Variants in ADGRB2 observed in about 807,000 individuals in gnomAD.
ADGRB2 encodes adhesion G protein-coupled receptor B2.
Under a neutral mutation model 178.7 loss-of-function variants are expected in ADGRB2, and 47 were observed. That is an observed-to-expected ratio of 0.26 (90% confidence interval 0.21 to 0.34). The LOEUF is 0.34. Among genes scored for constraint, ADGRB2 ranks in the 10% least tolerant of loss-of-function variants. The probability of loss-of-function intolerance (pLI) is 1.00; values close to 1 mark genes in which losing one functional copy is unlikely to be tolerated. For synonymous variants in ADGRB2, 870 were observed against 912.4 expected (o/e 0.95, Z 0.84); for missense variants, 1,584 against 2,180.8 (o/e 0.73, Z 5.45).
At chr1:31,738,676 C>T in intron 16 of ADGRB2, 46 bp from the exon 17 acceptor site, 1 of 1,608,058 alleles carries the variant, frequency 6.2e-7, no homozygotes, top group South Asian at 1.1e-5. Flanking sequence ...GGAAGCTCAC[C>T]ACACCCCACC....
rs61742864 is a variant in ADGRB2 at position 31,731,119 on chromosome 1, A to G, written c.4061T>C (p.Leu1354Pro). The G allele has an allele frequency of 6.3e-7, 1 of 1,586,250 alleles. No individual in the cohort carries two copies. Among genetic ancestry groups the G allele is most frequent in the Non-Finnish European group, 8.6e-7 (1 of 1,167,038 alleles). Residue 1354 changes from leucine (L) to proline (P), a missense_variant, in exon 29 of 33, where the codon CTG becomes CCG. By Grantham distance (98) the Leu-to-Pro change is moderately conservative (BLOSUM62 -3). Transcript: ENST00000373658. ...EPGSEGDYMV[L>P]PRRTLSLQPG... ...CTGCAGGCTCAAAGTCCGCCGGGGC[A>G]GCACCATGTAGTCTCCCTCAGAGCC...
rs933399842 is a variant in ADGRB2 at position 31,744,826 on chromosome 1, A to C, written c.839-95T>G. On this transcript the variant is annotated intron_variant, in intron 4 of 32. Transcript: ENST00000373658. The surrounding 1 kb of genome is among the most constrained non-coding windows in gnomAD (Gnocchi z 6.7). ...GGCAGCCTTCCTTGCCCTCCGCCTG[A>C]GGGCCTGGAACCAACTGCATGATGC... 4.7e-6 allele frequency: 6 copies of C among 1,265,128 alleles called. No homozygotes were observed. The East Asian group carries it at 1.5e-4, about 31-fold the overall frequency. The allele number at this position is 1,265,128 out of a possible 1,614,324, so 78.4% of individuals were successfully genotyped here.
At position 31,759,441 on chromosome 1, in the gene ADGRB2, G is replaced by A; in HGVS notation, c.-190-1930C>T. Reference sequence around the variant, plus strand: ...CCCTCCCCTACCCTGCTCCTAGGCTGCTGCTCCCTACTCCACAGCCCCGCC... The same window carrying A: ...CCCTCCCCTACCCTGCTCCTAGGCTACTGCTCCCTACTCCACAGCCCCGCC... On this transcript the variant is annotated intron_variant, in intron 1 of 32. Coordinates refer to ENST00000373658, the MANE Select transcript of ADGRB2 (RefSeq NM_001364857.2). The surrounding 1 kb of genome is among the most constrained non-coding windows in gnomAD (Gnocchi z 4.3). The A allele has an allele frequency of 2.6e-6, 2 of 771,560 alleles. No individual in the cohort carries two copies. The highest frequency in any genetic ancestry group is 4.8e-6 in the Non-Finnish European group (2 of 413,134). 47.8% of individuals were successfully genotyped at this position (771,560 alleles called of 1,614,324 possible).
At position 31,754,281 on chromosome 1, in the gene ADGRB2, C is replaced by G. The variant is rs1646723075; in HGVS notation, c.838+1718G>C. Among the ~76,000 whole-genome samples, 1 of 152,264 alleles carries G rather than the reference C, an allele frequency of 6.6e-6. No homozygotes were observed. Among genetic ancestry groups the G allele is most frequent in the Non-Finnish European group, 1.5e-5 (1 of 68,046 alleles). ...CCTGGCTCTGTGCTCCACATGGCAG[C>G]CCGCCCAGATGGTGCCCGCCCATGA... On this transcript the variant is annotated intron_variant, in intron 4 of 32. Coordinates refer to ENST00000373658, the MANE Select transcript of ADGRB2 (RefSeq NM_001364857.2). This position sits in a 1 kb window ranked among gnomAD's most constrained non-coding sequence, Gnocchi z 5.7.
rs145689822 is a variant in ADGRB2 at position 31,740,895 on chromosome 1, G to GCACACACACACACA, written c.1795-368_1795-355dup. Among the ~76,000 whole-genome samples, 4,230 of 140,362 alleles carry GCACACACACACACA rather than the reference G, an allele frequency of 0.03. 92 individuals are homozygous for GCACACACACACACA. The highest frequency in any genetic ancestry group is 0.096 in the South Asian group (406 of 4,230). The allele number at this position is 140,362 out of a possible 152,430, so 92.1% of individuals were successfully genotyped here. A position where few individuals can be genotyped will look rare whatever the true frequency, so the allele number is the denominator to read the frequency against. On this transcript the variant is annotated intron_variant, in intron 11 of 32. Transcript: ENST00000373658. The surrounding 1 kb of genome is among the most constrained non-coding windows in gnomAD (Gnocchi z 5.9). Reference sequence around the variant, plus strand: ...AATGAGCATGTGTGTGGGCGCGCGCGCACACACACACACACACACACACAC... The same window carrying GCACACACACACACA: ...AATGAGCATGTGTGTGGGCGCGCGCGCACACACACACACACACACACACACACACACACACACAC...
rs772403378 is a variant in ADGRB2 at position 31,741,739 on chromosome 1, G to A, written c.1586-14C>T. 2.9e-5 allele frequency: 46 copies of A among 1,609,662 alleles called. No individual in the cohort carries two copies. In the Admixed American group the frequency reaches 5.2e-4, roughly 18 times the overall value. On this transcript the variant is annotated splice_polypyrimidine_tract_variant and intron_variant, in intron 9 of 32. Transcript: ENST00000373658. The surrounding 1 kb of genome is among the most constrained non-coding windows in gnomAD (Gnocchi z 6.5). ...TCTCATGGAAGGCTGTGGGTGCAGG[G>A]GTAAGGTTCAGCTGGGTCCACACAT...
At chr1:31,752,810 T>G (rs1190655669) in intron 4 of ADGRB2, among the ~76,000 whole-genome samples, 1 of 152,168 alleles carries the variant, frequency 6.6e-6, no homozygotes, top group South Asian at 2.1e-4. Flanking sequence ...GGCCCCAAGA[T>G]GGGCAGCACC....
In ADGRB2 at chr1:31,728,253, A is replaced by G; in HGVS notation, c.4444T>C (p.Ser1482Pro). 1 of 1,614,030 alleles carries G rather than the reference A, an allele frequency of 6.2e-7. No individual in the cohort carries two copies. Among genetic ancestry groups the G allele is most frequent in the Non-Finnish European group, 8.5e-7 (1 of 1,179,988 alleles). Reference sequence around the variant, plus strand: ...TGGTTGAGCTCGTGGTAGAGTTCTGAATGCCGTTTCCGGGTGTGCATCACC... The same window carrying G: ...TGGTTGAGCTCGTGGTAGAGTTCTGGATGCCGTTTCCGGGTGTGCATCACC... The part of the protein sequence containing the change: ...EKVMHTRKRH[S>P]ELYHELNQKF... The change falls in exon 31 of 33, where the codon TCA becomes CCA. Residue 1482 changes from serine to proline, a missense_variant. This residue lies in a region of ADGRB2 where 865 missense variants were observed against 1,192.8 expected (regional missense o/e 0.73). Coordinates refer to ENST00000373658, the MANE Select transcript of ADGRB2 (RefSeq NM_001364857.2). The surrounding 1 kb of genome is among the most constrained non-coding windows in gnomAD (Gnocchi z 6.7).
At chr1:31,730,743 T>G (rs1645238508) in intron 29 of ADGRB2, 57 bp downstream of exon 29, 2 of 1,410,622 alleles carry the variant, frequency 1.4e-6, no homozygotes, top group South Asian at 4.0e-5. Context: ...CCCTCCTGGC[T>G]GCAGCCTGTG....
chr1:31,740,714 T>TAG lies in ADGRB2; in HGVS notation c.1795-175_1795-174dup, dbSNP rs558506914. On this transcript the variant is annotated intron_variant, in intron 11 of 32. Coordinates refer to ENST00000373658, the MANE Select transcript of ADGRB2 (RefSeq NM_001364857.2). This position sits in a 1 kb window ranked among gnomAD's most constrained non-coding sequence, Gnocchi z 5.9. ...AGACAGAGTCCGAGAAAGAGACTCA[T>TAG]AGAGAGAGAGAGAATCCCAAAGGGT... is the stretch of plus-strand genomic sequence containing the variant. 3.1e-3 allele frequency among the ~76,000 whole-genome samples: 463 copies of TAG among 151,602 alleles called. 1 individual carries two copies. Among genetic ancestry groups the TAG allele is most frequent in the Middle Eastern group, 6.8e-3 (2 of 294 alleles).
At chr1:31,731,897 T>C (rs1183981110) in intron 28 of ADGRB2, among the ~76,000 whole-genome samples, 1 of 152,180 alleles carries the variant, frequency 6.6e-6, no homozygotes, top group African/African-American at 2.4e-5. Context: ...TATTCTCTCC[T>C]TTACAGGTGT....
intron 4 of ADGRB2, among the ~76,000 whole-genome samples, chr1:31,750,107 C>G (rs1646488753): frequency 6.6e-6 from 1 of 152,218 alleles, no homozygotes; most frequent in African/African-American, 2.4e-5. Context: ...CTATTGCAAT[C>G]TGCCAAAATC....
chr1:31,753,324 T>A lies in ADGRB2; in HGVS notation c.838+2675A>T, dbSNP rs1344611566. On this transcript the variant is annotated intron_variant, in intron 4 of 32. Transcript: ENST00000373658. This position sits in a 1 kb window ranked among gnomAD's most constrained non-coding sequence, Gnocchi z 4.1. ...TCAACTCACCAAAAATAACAAGAGA[T>A]CTATCAAAGGCAGTTTGCGTGAAAT... Among the ~76,000 whole-genome samples, 1 of 152,034 alleles carries A rather than the reference T, an allele frequency of 6.6e-6. No homozygotes were observed. Among genetic ancestry groups the A allele is most frequent in the Non-Finnish European group, 1.5e-5 (1 of 68,006 alleles).
At position 31,741,258 on chromosome 1, in the gene ADGRB2, G is replaced by A; in HGVS notation, c.1794+115C>T. The A allele has an allele frequency of 9.5e-7, 1 of 1,057,088 alleles. No homozygotes were observed. Among genetic ancestry groups the A allele is most frequent in the Non-Finnish European group, 1.4e-6 (1 of 722,270 alleles). 65.5% of individuals were successfully genotyped at this position (1,057,088 alleles called of 1,614,324 possible). A position where few individuals can be genotyped will look rare whatever the true frequency, so the allele number is the denominator to read the frequency against. ...CAAGGAGAGGCACAGCCAGGCAGAA[G>A]TGGGCACAGCATATGCCAAGGCACG... is the stretch of plus-strand genomic sequence containing the variant. On this transcript the variant is annotated intron_variant, in intron 11 of 32. Transcript: ENST00000373658. The surrounding 1 kb of genome is among the most constrained non-coding windows in gnomAD (Gnocchi z 6.5).
intron 28 of ADGRB2, 92 bp from the exon 29 acceptor site, chr1:31,731,511 C>T (rs1645282940): frequency 1.2e-5 from 17 of 1,457,312 alleles, no homozygotes; most frequent in Non-Finnish European, 1.5e-5. Context: ...CAAGCTTCTG[C>T]GCTTGGACAG....
intron 22 of ADGRB2, 134 bp downstream of exon 22, chr1:31,736,187 C>T (rs979313560): frequency 1.2e-4 from 136 of 1,127,092 alleles, no homozygotes; most frequent in Non-Finnish European, 2.2e-5. Context: ...GTCAGGGAAA[C>T]TGAAGCTCAG....
chr1:31,729,236 C>A (rs150433432), intron 29 of ADGRB2, among the ~76,000 whole-genome samples: 1 of 152,100 alleles, frequency 6.6e-6, no homozygotes, highest in African/African-American at 2.4e-5. Context: ...CACAGGGAGA[C>A]CCATGAAGCC....
In ADGRB2 at chr1:31,756,042, G is replaced by T; in HGVS notation, c.795C>A (p.His265Gln). 1 of 1,613,940 alleles carries T rather than the reference G, an allele frequency of 6.2e-7. No individual in the cohort carries two copies. The highest frequency in any genetic ancestry group is 8.5e-7 in the Non-Finnish European group (1 of 1,179,938). ...TGAACAGATCATTGCTGCTCCCCGAGTGCAAATCGGCCTCAGCAGGTGGGG... is the reference window on the plus strand; with the variant it reads ...TGAACAGATCATTGCTGCTCCCCGATTGCAAATCGGCCTCAGCAGGTGGGG... ...GPAPPAEADL[H>Q]SGSSNDLFTT... Residue 265 changes from histidine to glutamine, a missense_variant, in exon 4 of 33, where the codon CAC becomes CAA. By Grantham distance (24) the His-to-Gln change is conservative. Coordinates refer to ENST00000373658, the MANE Select transcript of ADGRB2 (RefSeq NM_001364857.2). This position sits in a 1 kb window ranked among gnomAD's most constrained non-coding sequence, Gnocchi z 8.5.
chr1:31,749,106 T>C (rs1646428534), intron 4 of ADGRB2, among the ~76,000 whole-genome samples: 1 of 152,222 alleles, frequency 6.6e-6, no homozygotes, highest in Non-Finnish European at 1.5e-5. Flanking sequence ...TCTAAGCCCC[T>C]GGTCCTTGCC....
Sources: gnomAD v4.1 joint callset for allele counts (sites outside exome capture counted in the v4.1 genomes callset) on GRCh38, gnomAD v4.1.1 for gene constraint, gnomAD v4.1.1 regional missense constraint, Gnocchi (gnomAD v3.1) non-coding constraint, MANE v1.5 for transcripts, NCBI Gene and HGNC (gene_info 2026-07-23, HGNC 2026-07-21) for gene names.